GOT2: variants seen among roughly 807,000 people sequenced by gnomAD.
GOT2 encodes aspartate aminotransferase, mitochondrial.
A neutral mutation model predicts 50.0 loss-of-function variants in GOT2; 17 were observed. That is an observed-to-expected ratio of 0.34 (90% CI 0.23 to 0.51). GOT2 has a LOEUF of 0.51. Ranked by LOEUF, GOT2 falls within the 20% of genes least tolerant of loss-of-function variation. GOT2 has a pLI of 0.97. For synonymous variants in GOT2, 172 were observed against 204.9 expected (o/e 0.84, Z 1.37); for missense variants, 430 against 559.6 (o/e 0.77, Z 2.34).
intron 8 of GOT2, 74 bp downstream of exon 8, chr16:58,715,940 G>T: frequency 8.5e-7 from 1 of 1,175,402 alleles, no homozygotes; most frequent in South Asian, 1.5e-5. Flanking sequence ...ATCACTAGAG[G>T]TCAATTAAAA....
intron 1 of GOT2, among the ~76,000 whole-genome samples, chr16:58,730,093 A>AG (rs1468846263): frequency 6.6e-6 from 1 of 152,170 alleles, no homozygotes; most frequent in African/African-American, 2.4e-5. Flanking sequence ...AGAGAGAGGA[A>AG]GGGGTTGCCT....
At chr16:58,714,453 G>A (rs2044674561) in intron 8 of GOT2, among the ~76,000 whole-genome samples, 1 of 151,454 alleles carries the variant, frequency 6.6e-6, no homozygotes, top group Non-Finnish European at 1.5e-5. Flanking sequence ...TTGGGAGGCT[G>A]AGGCAGGAGA....
intron 1 of GOT2, 94 bp from the exon 2 acceptor site, chr16:58,723,996 C>G (rs1330029366): frequency 8.7e-7 from 1 of 1,152,748 alleles, no homozygotes; most frequent in Non-Finnish European, 1.2e-6. Flanking sequence ...CTCTGTTGCC[C>G]AGGCTGGAGT....
intron 2 of GOT2, among the ~76,000 whole-genome samples, chr16:58,723,153 T>G (rs2044754412): frequency 6.6e-6 from 1 of 152,208 alleles, no homozygotes; most frequent in Admixed American, 6.5e-5. Context: ...GAATGTACAA[T>G]AGTGCTTGGT....
At chr16:58,734,037 C>CA (rs2044857413) in intron 1 of GOT2, 103 bp downstream of exon 1, 2 of 503,654 alleles carry the variant, frequency 4.0e-6, no homozygotes, top group Non-Finnish European at 6.3e-6. Flanking sequence ...GTGTGAGTGA[C>CA]AGTGTGTATT....
chr16:58,723,126 G>A (rs1597703366), intron 2 of GOT2, among the ~76,000 whole-genome samples: 1 of 152,196 alleles, frequency 6.6e-6, no homozygotes, highest in East Asian at 1.9e-4. Context: ...CAGTGTTGAG[G>A]TGAAGTGTGA....
At chr16:58,728,333 A>T (rs2044804081) in intron 1 of GOT2, among the ~76,000 whole-genome samples, 1 of 152,178 alleles carries the variant, frequency 6.6e-6, no homozygotes, top group Non-Finnish European at 1.5e-5. Flanking sequence ...AACTTTCCTT[A>T]TCTGTAAAAT....
At chr16:58,719,529 G>A (rs773905993) in intron 3 of GOT2, among the ~76,000 whole-genome samples, 2 of 152,160 alleles carry the variant, frequency 1.3e-5, no homozygotes, top group Admixed American at 6.5e-5. Context: ...AGGCCAAGGC[G>A]GGTGGATCAC....
intron 8 of GOT2, 112 bp downstream of exon 8, chr16:58,715,902 C>T (rs1047972291): frequency 2.4e-6 from 2 of 837,944 alleles, no homozygotes; most frequent in Non-Finnish European, 3.6e-6. Flanking sequence ...CCCTGCCTTC[C>T]ACATATGGAA....
At chr16:58,727,575 G>T (rs796754600) in intron 1 of GOT2, among the ~76,000 whole-genome samples, 8 of 152,240 alleles carry the variant, frequency 5.3e-5, no homozygotes, top group African/African-American at 1.7e-4. Flanking sequence ...AGATCTGCAC[G>T]TAATGCAGGC....
intron 8 of GOT2, among the ~76,000 whole-genome samples, chr16:58,711,376 C>T (rs1031103015): frequency 2.0e-5 from 3 of 152,194 alleles, no homozygotes; most frequent in African/African-American, 7.2e-5. Flanking sequence ...CTTCCCCTTC[C>T]TCAGAATCTA....
intron 1 of GOT2, among the ~76,000 whole-genome samples, chr16:58,733,712 G>GT (rs2044853933): frequency 6.6e-6 from 1 of 152,102 alleles, no homozygotes; most frequent in African/African-American, 2.4e-5. Flanking sequence ...GCCGCCGCCG[G>GT]CCCACCGACT....
At chr16:58,716,311 G>A (rs2044692381) in intron 7 of GOT2, 132 bp from the exon 8 acceptor site, 1 of 890,118 alleles carries the variant, frequency 1.1e-6, no homozygotes, top group Non-Finnish European at 1.7e-6. Flanking sequence ...TAAATAAAAA[G>A]CTTTCAACAA....
rs2044698222 is a variant in GOT2 at position 58,716,740 on chromosome 16, C to T, written c.776G>A (p.Trp259Ter). 1 of 1,613,762 alleles carries T rather than the reference C, an allele frequency of 6.2e-7. No individual in the cohort carries two copies. Among genetic ancestry groups the T allele is most frequent in the African/African-American group, 1.3e-5 (1 of 74,928 alleles). Residue 259 changes from tryptophan (W) to a stop codon, truncating the protein, a stop_gained, in exon 7 of 10, where the codon TGG (tryptophan) becomes TAG (stop). Coordinates refer to ENST00000245206, the MANE Select transcript of GOT2 (RefSeq NM_002080.4). LOFTEE classifies it high-confidence loss of function. ...FASGDGDKDA[W>*]AVRHFIEQGI... Reference sequence around the variant, plus strand: ...CTGTTCGATGAAGTGGCGCACAGCCCAGGCATCCTTATCACCATCACCACT... The same window carrying T: ...CTGTTCGATGAAGTGGCGCACAGCCTAGGCATCCTTATCACCATCACCACT...
At chr16:58,713,501 C>T (rs1567485783) in intron 8 of GOT2, among the ~76,000 whole-genome samples, 2 of 151,832 alleles carry the variant, frequency 1.3e-5, no homozygotes, top group African/African-American at 4.8e-5. Context: ...AAAAACAAAA[C>T]AAAACAAAAC....
Position 58,716,051 on chromosome 16 carries a change from C to T in GOT2, c.982G>A (p.Ala328Thr). Reference protein sequence around the residue: ...NPPLNGARIAAAILNTPDLRK... With the variant: ...NPPLNGARIATAILNTPDLRK... Reference sequence around the variant, plus strand: ...AAATCTGGGGTGTTCAGAATGGCAGCAGCAATCCGGGCCCCATTGAGGGGA... The same window carrying T: ...AAATCTGGGGTGTTCAGAATGGCAGTAGCAATCCGGGCCCCATTGAGGGGA... Residue 328 changes from alanine to threonine, a missense_variant, in exon 8 of 10, where the codon GCT becomes ACT. Coordinates refer to ENST00000245206, the MANE Select transcript of GOT2 (RefSeq NM_002080.4). The T allele has an allele frequency of 6.2e-7, 1 of 1,613,410 alleles. No individual in the cohort carries two copies. The highest frequency in any genetic ancestry group is 8.5e-7 in the Non-Finnish European group (1 of 1,179,838).
rs570342792 is a variant in GOT2 at position 58,714,030 on chromosome 16, T to C, written c.1019+1984A>G. ...GCAGTGTTTTCTAAATTATGTGTCA[T>C]GACCCATTGGTAGGTTAATTTTTTT... On this transcript the variant is annotated intron_variant, in intron 8 of 9. Coordinates refer to ENST00000245206, the MANE Select transcript of GOT2 (RefSeq NM_002080.4). Among the ~76,000 whole-genome samples, 589 of 152,288 alleles carry C rather than the reference T, an allele frequency of 3.9e-3. 13 individuals carry two copies. The highest frequency in any genetic ancestry group is 1.3e-3 in the Non-Finnish European group (90 of 68,036).
rs149593760 is a variant in GOT2 at position 58,730,023 on chromosome 16, G to T, written c.89+4117C>A. ...TAAAGAACACAGGTATGAAAACTAT[G>T]TATCTATTGCTTGAGACAAGTTTAT... On this transcript the variant is annotated intron_variant, in intron 1 of 9. Coordinates refer to ENST00000245206, the MANE Select transcript of GOT2 (RefSeq NM_002080.4). Among the ~76,000 whole-genome samples the T allele has an allele frequency of 1.3e-3, 204 of 152,286 alleles. 1 individual carries two copies. The highest frequency in any genetic ancestry group is 4.6e-3 in the African/African-American group (192 of 41,580).
At position 58,707,941 on chromosome 16, in the gene GOT2, AG is replaced by A. The variant is rs1247302278; in HGVS notation, c.*229del. On this transcript the variant is annotated 3_prime_UTR_variant, in exon 10 of 10. Transcript: ENST00000245206. ...CTCTTTGAGAAAAGTTGGAGAAAAA[AG>A]GACCGGGGAGAGTTTGGTTTAATAT... is the stretch of plus-strand genomic sequence containing the variant. 8.6e-6 allele frequency: 3 copies of A among 347,380 alleles called. No individual in the cohort carries two copies. Among genetic ancestry groups the A allele is most frequent in the Non-Finnish European group, 1.6e-5 (3 of 193,498 alleles). 21.5% of individuals were successfully genotyped at this position (347,380 alleles called of 1,614,324 possible).
Sources: gnomAD v4.1 joint callset for allele counts (sites outside exome capture counted in the v4.1 genomes callset) on GRCh38, gnomAD v4.1.1 for gene constraint, MANE v1.5 for transcripts, NCBI Gene and HGNC (gene_info 2026-07-23, HGNC 2026-07-21) for gene names.